MYO1D: variants seen among roughly 807,000 people sequenced by gnomAD.
MYO1D encodes myosin ID.
In MYO1D, 83 loss-of-function variants were observed where a neutral mutation model predicts 122.0. The observed-to-expected ratio is 0.68, with a 90% CI of 0.57 to 0.82. The LOEUF is 0.82. MYO1D is among the 40% of genes least tolerant of loss of function. The pLI is 0.00. For synonymous variants in MYO1D, 464 were observed against 446.9 expected (o/e 1.04, Z -0.48); for missense variants, 1,157 against 1,269.5 (o/e 0.91, Z 1.35).
intron 16 of MYO1D, among the ~76,000 whole-genome samples, chr17:32,706,809 G>T (rs1458475640): frequency 1.3e-5 from 2 of 151,946 alleles, no homozygotes; most frequent in Non-Finnish European, 2.9e-5. Flanking sequence ...CCATTCTCCT[G>T]TTTCAGCCTC....
At chr17:32,764,313 G>T (rs1166499895) in intron 8 of MYO1D, among the ~76,000 whole-genome samples, 2 of 152,200 alleles carry the variant, frequency 1.3e-5, no homozygotes, top group Non-Finnish European at 2.9e-5. Flanking sequence ...AAAGGGTAAA[G>T]TTTCAGTTAG....
chr17:32,519,957 AGG>A (rs1193804085), intron 21 of MYO1D, among the ~76,000 whole-genome samples: 1 of 151,434 alleles, frequency 6.6e-6, no homozygotes, highest in East Asian at 2.0e-4. Flanking sequence ...GGGAGGAGAA[AGG>A]GCTACCCCCG....
intron 21 of MYO1D, among the ~76,000 whole-genome samples, chr17:32,598,061 G>A (rs998381410): frequency 2.6e-5 from 4 of 151,688 alleles, no homozygotes; most frequent in African/African-American, 9.7e-5. Context: ...TTAATGACTC[G>A]GAGAGGTACT....
At chr17:32,729,752 C>G (rs2089615456) in intron 14 of MYO1D, among the ~76,000 whole-genome samples, 1 of 152,046 alleles carries the variant, frequency 6.6e-6, no homozygotes, top group Admixed American at 6.6e-5. Context: ...AAAGTTAGAA[C>G]CTGGGGTCTT....
chr17:32,798,618 G>A (rs2090437275), intron 1 of MYO1D, among the ~76,000 whole-genome samples: 1 of 152,142 alleles, frequency 6.6e-6, no homozygotes, highest in South Asian at 2.1e-4. Context: ...AATGTGAGAT[G>A]GCATCCCCAA....
At chr17:32,823,113 T>G (rs2090689359) in intron 1 of MYO1D, among the ~76,000 whole-genome samples, 1 of 152,116 alleles carries the variant, frequency 6.6e-6, no homozygotes. Context: ...TTCTGGACAA[T>G]GAGATGTAAG....
intron 21 of MYO1D, among the ~76,000 whole-genome samples, chr17:32,598,744 C>T (rs568859774): frequency 6.6e-6 from 1 of 152,222 alleles, no homozygotes; most frequent in South Asian, 2.1e-4. Flanking sequence ...ACAATAGCAT[C>T]ATGTCTAAAT....
At chr17:32,600,390 C>G (rs1346987944) in intron 21 of MYO1D, among the ~76,000 whole-genome samples, 1 of 152,238 alleles carries the variant, frequency 6.6e-6, no homozygotes, top group Middle Eastern at 3.2e-3. Context: ...ACCTTCTCCT[C>G]TCTAGCTACG....
rs896489172 is a variant in MYO1D, at chr17:32,602,535, A to G, written c.2864+2552T>C. On this transcript the variant is annotated intron_variant, in intron 21 of 21. Transcript: ENST00000318217. Reference sequence around the variant, plus strand: ...CCCTACTGAGGCAAAACCCTTCTGAATACTGTACCCAATTACCCTGTGAAT... The same window carrying G: ...CCCTACTGAGGCAAAACCCTTCTGAGTACTGTACCCAATTACCCTGTGAAT... 8 of 152,312 alleles carry G rather than the reference A, an allele frequency of 5.3e-5. No individual in the cohort carries two copies. The East Asian group carries it at 1.3e-3, about 26-fold the overall frequency. 9.4% of individuals were successfully genotyped at this position (152,312 alleles called of 1,614,324 possible). A position where few individuals can be genotyped will look rare whatever the true frequency, so the allele number is the denominator to read the frequency against.
chr17:32,721,003 T>C lies in MYO1D; in HGVS notation c.1913+20A>G. On this transcript the variant is annotated intron_variant, in intron 15 of 21. Coordinates refer to ENST00000318217, the MANE Select transcript of MYO1D (RefSeq NM_015194.3). ...CCTTATTCTCAGTGAACTAGGCCTCTCTGACGAGTCTATTCTCACCTGTGA... is the reference window on the plus strand; with the variant it reads ...CCTTATTCTCAGTGAACTAGGCCTCCCTGACGAGTCTATTCTCACCTGTGA... 1 of 1,608,092 alleles carries C rather than the reference T, an allele frequency of 6.2e-7. No individual in the cohort carries two copies. Among genetic ancestry groups the C allele is most frequent in the Non-Finnish European group, 8.5e-7 (1 of 1,176,256 alleles).
intron 16 of MYO1D, among the ~76,000 whole-genome samples, chr17:32,708,132 T>C (rs866754183): frequency 6.6e-6 from 1 of 152,062 alleles, no homozygotes; most frequent in Non-Finnish European, 1.5e-5. Flanking sequence ...ACTCTCGACA[T>C]AGGGGGTGAG....
chr17:32,714,048 CTTTTT>C (rs534554930), intron 15 of MYO1D, among the ~76,000 whole-genome samples: 1 of 140,004 alleles, frequency 7.1e-6, no homozygotes, highest in Non-Finnish European at 1.6e-5. Context: ...TCTTTTCTTT[CTTTTT>C]TTTTTTTAAT....
chr17:32,868,196 G>C (rs1248865600), intron 1 of MYO1D, among the ~76,000 whole-genome samples: 2 of 152,202 alleles, frequency 1.3e-5, no homozygotes, highest in African/African-American at 2.4e-5. Context: ...GGCTGGACCA[G>C]GGAATGGAGC....
chr17:32,524,268 G>A (rs773027843), intron 21 of MYO1D, among the ~76,000 whole-genome samples: 3 of 152,106 alleles, frequency 2.0e-5, no homozygotes, highest in South Asian at 2.1e-4. Flanking sequence ...TCCTTCCGAC[G>A]TCAACTCACT....
intron 1 of MYO1D, among the ~76,000 whole-genome samples, chr17:32,787,125 G>GA (rs1413506516): frequency 6.6e-6 from 1 of 150,710 alleles, no homozygotes; most frequent in African/African-American, 2.4e-5. Flanking sequence ...AAGAGCTCAA[G>GA]AAAAAAACCA....
intron 20 of MYO1D, among the ~76,000 whole-genome samples, chr17:32,618,098 A>G (rs2087800075): frequency 6.6e-6 from 1 of 152,214 alleles, no homozygotes; most frequent in Admixed American, 6.5e-5. Context: ...TGATCCAAAC[A>G]TCATACCAGT....
intron 14 of MYO1D, among the ~76,000 whole-genome samples, chr17:32,730,429 T>C (rs2089624282): frequency 6.6e-6 from 1 of 152,202 alleles, no homozygotes; most frequent in Admixed American, 6.5e-5. Context: ...TTGCTCTTCT[T>C]TTCTTTTCGC....
chr17:32,875,032 T>C (rs934620212), intron 1 of MYO1D, among the ~76,000 whole-genome samples: 2 of 152,204 alleles, frequency 1.3e-5, no homozygotes, highest in Admixed American at 6.5e-5. Context: ...ATTCTGAAAA[T>C]TCTGCAAAAG....
chr17:32,824,174 T>C (rs528722700), intron 1 of MYO1D, among the ~76,000 whole-genome samples: 6 of 151,534 alleles, frequency 4.0e-5, no homozygotes, highest in African/African-American at 7.3e-5. Context: ...TATAAAACCA[T>C]TAAAAGCAAG....
Sources: gnomAD v4.1 joint callset for allele counts (sites outside exome capture counted in the v4.1 genomes callset) on GRCh38, gnomAD v4.1.1 for gene constraint, MANE v1.5 for transcripts, NCBI Gene and HGNC (gene_info 2026-07-23, HGNC 2026-07-21) for gene names.